The following TSPAN5 variants were observed in gnomAD, a reference collection of about 807,000 sequenced individuals.
The protein encoded by TSPAN5 is tetraspanin 5.
A neutral mutation model predicts 37.1 loss-of-function variants in TSPAN5; 10 were observed. The ratio of observed to expected loss-of-function variants is 0.27; its 90% CI spans 0.17 to 0.46. TSPAN5 has a LOEUF of 0.46. Ranked by LOEUF, TSPAN5 falls within the 20% of genes least tolerant of loss-of-function variation. The probability of loss-of-function intolerance (pLI) is 1.00; values close to 1 mark genes in which losing one functional copy is unlikely to be tolerated. For missense variants in TSPAN5, 195 were observed against 326.6 expected, an observed-to-expected ratio of 0.60 and a Z score of 3.11; for synonymous variants, 110 against 118.9, an observed-to-expected ratio of 0.93 and a Z score of 0.48.
intron 1 of TSPAN5, among the ~76,000 whole-genome samples, chr4:98,549,302 GTT>G (rs1236454299): frequency 2.0e-3 from 229 of 116,278 alleles, no homozygotes; most frequent in African/African-American, 7.2e-3. Flanking sequence ...GTTTGTTTTT[GTT>G]TTTTTTTGTT....
At chr4:98,562,477 A>T (rs1754900868) in intron 1 of TSPAN5, among the ~76,000 whole-genome samples, 2 of 152,284 alleles carry the variant, frequency 1.3e-5, no homozygotes, top group Admixed American at 6.5e-5. Context: ...CCTGTACAAC[A>T]TGGTGAAACC....
chr4:98,589,080 C>T (rs1579012633), intron 1 of TSPAN5, among the ~76,000 whole-genome samples: 2 of 152,170 alleles, frequency 1.3e-5, no homozygotes, highest in African/African-American at 4.8e-5. Context: ...CTCCTGATCC[C>T]TAATCCAGGG....
chr4:98,472,305 T>C lies in TSPAN5; in HGVS notation c.*217A>G. 2.3e-6 allele frequency: 1 copy of C among 444,444 alleles called. No homozygotes were observed. The highest frequency in any genetic ancestry group is 4.0e-6 in the Non-Finnish European group (1 of 251,984). The allele number at this position is 444,444 out of a possible 1,614,324, so 27.5% of individuals were successfully genotyped here. A position where few individuals can be genotyped will look rare whatever the true frequency, so the allele number is the denominator to read the frequency against. ...ATAAATTCATGGCTACAGTAGAGAT[T>C]CACGGCGCAACGACTTTCATACTGG... On this transcript the variant is annotated 3_prime_UTR_variant, in exon 8 of 8. Coordinates refer to ENST00000305798, the MANE Select transcript of TSPAN5 (RefSeq NM_005723.4).
chr4:98,544,243 C>A (rs1225613739), intron 1 of TSPAN5, among the ~76,000 whole-genome samples: 1 of 152,160 alleles, frequency 6.6e-6, no homozygotes, highest in African/African-American at 2.4e-5. Flanking sequence ...AATTAGCAAG[C>A]TAAACATATC....
intron 1 of TSPAN5, among the ~76,000 whole-genome samples, chr4:98,581,806 T>C (rs1450583699): frequency 6.6e-6 from 1 of 152,206 alleles, no homozygotes; most frequent in Non-Finnish European, 1.5e-5. Flanking sequence ...ATAGATGTAA[T>C]TTTTGTCTAA....
intron 1 of TSPAN5, among the ~76,000 whole-genome samples, chr4:98,515,083 CG>C (rs1017085128): frequency 6.6e-6 from 1 of 152,028 alleles, no homozygotes; most frequent in Non-Finnish European, 1.5e-5. Context: ...TGGCAGGTGT[CG>C]GGGGAACAGC....
chr4:98,608,555 A>T (rs1281816821), intron 1 of TSPAN5, among the ~76,000 whole-genome samples: 1 of 152,156 alleles, frequency 6.6e-6, no homozygotes, highest in Non-Finnish European at 1.5e-5. Context: ...CAACCCTGGC[A>T]GGTGGCAGCG....
At chr4:98,504,566 G>C (rs893055598) in intron 2 of TSPAN5, among the ~76,000 whole-genome samples, 18 of 152,206 alleles carry the variant, frequency 1.2e-4, no homozygotes, top group African/African-American at 3.9e-4. Context: ...CCCATATTAA[G>C]AGTGGACAGC....
rs907149785 is a variant in TSPAN5, at chr4:98,503,345, C to T, written c.132+4333G>A. Among the ~76,000 whole-genome samples the T allele has an allele frequency of 5.9e-5, 9 of 152,226 alleles. 1 individual carries two copies. In the South Asian group the frequency reaches 6.2e-4, roughly 11 times the overall value. On this transcript the variant is annotated intron_variant, in intron 2 of 7. Transcript: ENST00000305798. ...CCATGGTGCAGAAAAGACACCAGAGCGGGGCCAGATGAGCACCAACAAAAT... is the reference window on the plus strand; with the variant it reads ...CCATGGTGCAGAAAAGACACCAGAGTGGGGCCAGATGAGCACCAACAAAAT...
intron 3 of TSPAN5, 48 bp from the exon 4 acceptor site, chr4:98,482,223 G>C (rs1752855664): frequency 6.4e-7 from 1 of 1,552,692 alleles, no homozygotes; most frequent in Non-Finnish European, 8.8e-7. Context: ...GGGCTATTTT[G>C]ATCATATATA....
chr4:98,482,446 G>T, intron 3 of TSPAN5: 2 of 269,606 alleles, frequency 7.4e-6, no homozygotes, highest in Non-Finnish European at 6.9e-6. Flanking sequence ...GGATAATAAG[G>T]ATTTCTCATT....
At chr4:98,542,259 C>G (rs1754376115) in intron 1 of TSPAN5, among the ~76,000 whole-genome samples, 1 of 152,210 alleles carries the variant, frequency 6.6e-6, no homozygotes, top group South Asian at 2.1e-4. Context: ...ACCCATGGAG[C>G]TGTGTGCTTA....
At chr4:98,621,551 G>C (rs1293403368) in intron 1 of TSPAN5, among the ~76,000 whole-genome samples, 1 of 151,722 alleles carries the variant, frequency 6.6e-6, no homozygotes, top group Admixed American at 6.6e-5. Flanking sequence ...TGTATTTTTA[G>C]TAGAGACGGG....
chr4:98,609,207 C>A (rs1421414668), intron 1 of TSPAN5, among the ~76,000 whole-genome samples: 1 of 152,156 alleles, frequency 6.6e-6, no homozygotes, highest in East Asian at 1.9e-4. Context: ...AACTAAGAAA[C>A]CTTAAAATAT....
intron 1 of TSPAN5, among the ~76,000 whole-genome samples, chr4:98,548,011 C>CAA (rs535093440): frequency 5.6e-5 from 5 of 89,278 alleles, no homozygotes; most frequent in East Asian, 6.3e-4. Context: ...GACTCTGTCT[C>CAA]AAAAAAAAAA....
At chr4:98,559,511 T>C (rs1481260293) in intron 1 of TSPAN5, among the ~76,000 whole-genome samples, 1 of 152,220 alleles carries the variant, frequency 6.6e-6, no homozygotes, top group Non-Finnish European at 1.5e-5. Context: ...TGCTAAAATA[T>C]GACATACACA....
At chr4:98,558,596 T>C (rs992329567) in intron 1 of TSPAN5, among the ~76,000 whole-genome samples, 2 of 152,234 alleles carry the variant, frequency 1.3e-5, no homozygotes, top group Non-Finnish European at 2.9e-5. Context: ...TTGATTAACA[T>C]ATGTAGAGTT....
intron 2 of TSPAN5, among the ~76,000 whole-genome samples, chr4:98,488,856 C>G (rs1003728654): frequency 6.6e-6 from 1 of 152,108 alleles, no homozygotes; most frequent in African/African-American, 2.4e-5. Flanking sequence ...AGTTTGAGAC[C>G]AGCCTGGGCA....
chr4:98,477,713 G>A (rs557373391), intron 5 of TSPAN5, among the ~76,000 whole-genome samples: 1 of 151,820 alleles, frequency 6.6e-6, no homozygotes, highest in African/African-American at 2.4e-5. Flanking sequence ...CCAGGATGGA[G>A]GGCAGTGGCA....
Sources: allele counts gnomAD v4.1 joint callset (sites outside exome capture counted in the v4.1 genomes callset), GRCh38; gene constraint gnomAD v4.1.1; transcripts MANE v1.5; gene names NCBI Gene and HGNC (gene_info 2026-07-23, HGNC 2026-07-21).